The following PRKD3 variants were observed in gnomAD, a reference collection of about 807,000 sequenced individuals.
PRKD3 encodes serine/threonine-protein kinase D3.
PRKD3 carries 47 observed loss-of-function variants against 99.2 expected under a neutral mutation model. The ratio of observed to expected loss-of-function variants is 0.47; its 90% CI spans 0.38 to 0.60. The LOEUF (loss-of-function observed/expected upper bound fraction) is 0.60. PRKD3 is among the 20% of genes least tolerant of loss of function. PRKD3 has a pLI of 0.00. For synonymous variants in PRKD3, 392 were observed against 355.4 expected (o/e 1.10, Z -1.16); for missense variants, 1,019 against 1,088.4 (o/e 0.94, Z 0.90).
rs765223368 is a variant in PRKD3 at position 37,289,456 on chromosome 2, C to G, written c.617G>C (p.Gly206Ala). Reference sequence around the variant, plus strand: ...ATTTGACAGACGTCTCTTTCTTACTCCACTACAGTTATTTGGAATCTTGAA... The same window carrying G: ...ATTTGACAGACGTCTCTTTCTTACTGCACTACAGTTATTTGGAATCTTGAA... ...CAFKIPNNCSGVRKRRLSNVS... is the reference protein window; with the variant it reads ...CAFKIPNNCSAVRKRRLSNVS... The change falls in exon 5 of 19, where the codon GGA (glycine) becomes GCA (alanine). Residue 206 changes from glycine to alanine, a missense_variant. Around this residue, in one of 3 missense-constraint regions of PRKD3, gnomAD observed 710 missense variants for 692.7 expected, o/e 1.02. Transcript: ENST00000234179. 1.2e-6 allele frequency: 2 copies of G among 1,613,658 alleles called. No individual in the cohort carries two copies. The highest frequency in any genetic ancestry group is 2.7e-5 in the African/African-American group (2 of 74,854).
intron 16 of PRKD3, among the ~76,000 whole-genome samples, chr2:37,257,393 T>C (rs1356016151): frequency 6.6e-6 from 1 of 151,984 alleles, no homozygotes; most frequent in Non-Finnish European, 1.5e-5. Context: ...TAGCCAGGTG[T>C]GGTGGCTCAC....
Position 37,316,615 on chromosome 2 carries a change from C to T in PRKD3, c.-91G>A, listed in dbSNP as rs78363830. 0.047 allele frequency: 70,834 copies of T among 1,510,546 alleles called. 1,790 individuals are homozygous for T. Among genetic ancestry groups the T allele is most frequent in the African/African-American group, 0.051 (3,610 of 71,246 alleles). 93.6% of individuals were successfully genotyped at this position (1,510,546 alleles called of 1,614,324 possible). A position where few individuals can be genotyped will look rare whatever the true frequency, so the allele number is the denominator to read the frequency against. ...AAATAACAGCAGTAAAGAAAATGACCGCACTTTTGGATTTAGTTGAAAACT... is the reference window on the plus strand; with the variant it reads ...AAATAACAGCAGTAAAGAAAATGACTGCACTTTTGGATTTAGTTGAAAACT... On this transcript the variant is annotated 5_prime_UTR_variant, in exon 2 of 19. Transcript: ENST00000234179.
In PRKD3 at chr2:37,252,835, A is replaced by AAACATT. The variant is rs1553362920; in HGVS notation, c.*341_*342insAATGTT. On this transcript the variant is annotated 3_prime_UTR_variant, in exon 19 of 19. Transcript: ENST00000234179. ...TTTTTCATTAAAAAAACAAACAAAC[A>AAACATT]TATATTTATATTTATATATATATAT... 1 of 102,002 alleles carries AAACATT rather than the reference A, an allele frequency of 9.8e-6. No homozygotes were observed. Among genetic ancestry groups the AAACATT allele is most frequent in the African/African-American group, 3.2e-5 (1 of 31,200 alleles). The allele number at this position is 102,002 out of a possible 1,614,324, so 6.3% of individuals were successfully genotyped here. A position where few individuals can be genotyped will look rare whatever the true frequency, so the allele number is the denominator to read the frequency against.
chr2:37,307,847 T>C (rs1671229497), intron 2 of PRKD3, among the ~76,000 whole-genome samples: 1 of 152,252 alleles, frequency 6.6e-6, no homozygotes, highest in Admixed American at 6.5e-5. Context: ...AGCTCAACGA[T>C]AAATGATCTG....
chr2:37,292,884 A>G, intron 3 of PRKD3: 1 of 276,614 alleles, frequency 3.6e-6, no homozygotes, highest in Non-Finnish European at 6.7e-6. Context: ...TGAGATAAGC[A>G]ATCCTCCCGC....
At chr2:37,304,584 T>C (rs1671076045) in intron 2 of PRKD3, among the ~76,000 whole-genome samples, 1 of 151,678 alleles carries the variant, frequency 6.6e-6, no homozygotes. Context: ...CTAGTAAAGA[T>C]ACAAAAAATT....
chr2:37,293,307 G>A, intron 2 of PRKD3, 36 bp from the exon 3 acceptor site: 2 of 1,482,434 alleles, frequency 1.3e-6, no homozygotes, highest in Non-Finnish European at 1.8e-6. Context: ...TATGACCACA[G>A]TTTTCTATTT....
intron 3 of PRKD3, among the ~76,000 whole-genome samples, chr2:37,292,804 C>T (rs937157340): frequency 2.0e-5 from 3 of 151,816 alleles, no homozygotes; most frequent in South Asian, 2.1e-4. Context: ...TGTGACCATG[C>T]CTGGCTAATT....
intron 2 of PRKD3, among the ~76,000 whole-genome samples, chr2:37,307,779 T>C (rs1016913112): frequency 6.6e-6 from 1 of 152,202 alleles, no homozygotes; most frequent in African/African-American, 2.4e-5. Context: ...GGGTGTGTAA[T>C]GAAACTGGAT....
At chr2:37,289,204 G>A (rs1166005468) in intron 5 of PRKD3, 152 bp downstream of exon 5, 2 of 905,290 alleles carry the variant, frequency 2.2e-6, no homozygotes, top group African/African-American at 3.4e-5. Context: ...CTACCGGTAA[G>A]TCCTGTCTCC....
chr2:37,295,362 C>A (rs1490540645), intron 2 of PRKD3, among the ~76,000 whole-genome samples: 4 of 152,070 alleles, frequency 2.6e-5, no homozygotes, highest in Admixed American at 2.6e-4. Context: ...CAGTATGATA[C>A]TTGAGCAGAA....
chr2:37,269,336 C>A, intron 13 of PRKD3: 1 of 356,524 alleles, frequency 2.8e-6, no homozygotes, highest in Non-Finnish European at 5.1e-6. Flanking sequence ...AAACCATCTC[C>A]CCCCCTGCCT....
At chr2:37,324,316 G>T in intron 1 of PRKD3, 1 of 682,326 alleles carries the variant, frequency 1.5e-6, no homozygotes, top group Non-Finnish European at 1.8e-6. Context: ...CCCGGGAACG[G>T]ATCGCCTCCG....
chr2:37,290,981 T>A lies in PRKD3; in HGVS notation c.446A>T (p.Asp149Val). The A allele has an allele frequency of 6.2e-7, 1 of 1,606,168 alleles. No individual in the cohort carries two copies. Among genetic ancestry groups the A allele is most frequent in the Non-Finnish European group, 8.5e-7 (1 of 1,176,414 alleles). The change falls in exon 4 of 19, where the codon GAC (aspartate) becomes GTC (valine). Residue 149 changes from aspartate to valine, a missense_variant. Physicochemically the swap from Asp to Val is radical, Grantham distance 152. Transcript: ENST00000234179. The stretch of plus-strand genomic sequence containing the variant: ...GAGAGTATGTGGACGAATCTGGAAG[T>A]CTTCTACTGTGGCTAAAGCTTTAAA... ...VVLSALATVE[D>V]FQIRPHTLYV...
intron 13 of PRKD3, chr2:37,267,827 C>A (rs1668947651): frequency 3.2e-6 from 1 of 312,562 alleles, no homozygotes; most frequent in Non-Finnish European, 5.9e-6. Flanking sequence ...AGTTAATTAC[C>A]CTGACCTAGT....
At chr2:37,322,268 G>T (rs1006156183) in intron 1 of PRKD3, among the ~76,000 whole-genome samples, 2 of 152,168 alleles carry the variant, frequency 1.3e-5, no homozygotes, top group African/African-American at 4.8e-5. Flanking sequence ...AAACTCAAGT[G>T]TCTACGTCGT....
At chr2:37,296,769 G>A (rs7582067) in intron 2 of PRKD3, among the ~76,000 whole-genome samples, 7,546 of 151,550 alleles carry the variant, frequency 0.05, 196 homozygotes, top group African/African-American at 0.069. Context: ...GCGTGGTGGC[G>A]GGCGCCTGTA....
At position 37,251,334 on chromosome 2, in the gene PRKD3, A is replaced by G. The variant is rs11124570; in HGVS notation, c.*1843T>C. The G allele has an allele frequency of 0.11, 17,515 of 152,578 alleles. 1,411 individuals are homozygous for G. The highest frequency in any genetic ancestry group is 0.34 in the East Asian group (1,768 of 5,158). The allele number at this position is 152,578 out of a possible 1,614,324, so 9.5% of individuals were successfully genotyped here. ...CATAATGGTTGGGAGGGCTAAGGGT[A>G]AGATTAGAGCCATACTACTGGTCTC... On this transcript the variant is annotated 3_prime_UTR_variant, in exon 19 of 19. Transcript: ENST00000234179.
intron 5 of PRKD3, among the ~76,000 whole-genome samples, chr2:37,289,080 T>TAAA (rs66958653): frequency 5.6e-4 from 80 of 144,052 alleles, no homozygotes; most frequent in African/African-American, 1.0e-3. Flanking sequence ...AAAAAAAAAT[T>TAAA]AAAAAAAAAA....
Sources: gnomAD v4.1 joint callset for allele counts (sites outside exome capture counted in the v4.1 genomes callset) on GRCh38, gnomAD v4.1.1 for gene constraint, gnomAD v4.1.1 regional missense constraint, MANE v1.5 for transcripts, NCBI Gene and HGNC (gene_info 2026-07-23, HGNC 2026-07-21) for gene names.